COL25A1: variants seen among roughly 807,000 people sequenced by gnomAD.
COL25A1 encodes collagen type XXV alpha 1 chain.
In COL25A1, 103 loss-of-function variants were observed where a neutral mutation model predicts 128.4. The ratio of observed to expected loss-of-function variants is 0.80; its 90% CI spans 0.68 to 0.94. The LOEUF is 0.94. COL25A1 is among the 40% of genes least tolerant of loss of function. The pLI is 0.00. For synonymous variants in COL25A1, 279 were observed against 277.2 expected (o/e 1.01, Z -0.06); for missense variants, 745 against 840.0 (o/e 0.89, Z 1.40).
At chr4:109,058,591 AATT>A (rs1190005207) in intron 3 of COL25A1, among the ~76,000 whole-genome samples, 1 of 152,232 alleles carries the variant, frequency 6.6e-6, no homozygotes, top group East Asian at 1.9e-4. Flanking sequence ...CAATAAATAA[AATT>A]ATGTTAATTC....
chr4:108,856,586 C>CA (rs527454814), intron 24 of COL25A1, among the ~76,000 whole-genome samples: 166 of 152,096 alleles, frequency 1.1e-3, no homozygotes, highest in African/African-American at 3.6e-3. Flanking sequence ...TTAGGGAAAC[C>CA]AATAGTTTTG....
rs147932885 is a variant in COL25A1 at position 109,198,196 on chromosome 4, A to ACAGGC, written c.367+102382_367+102386dup. ...CGTGGACTTGTTAACCCAACACAAG[A>ACAGGC]CAGGCCAGGAGGGCCCTCTTTAGAA... On this transcript the variant is annotated intron_variant, in intron 3 of 37. Transcript: ENST00000399132. Among the ~76,000 whole-genome samples the ACAGGC allele has an allele frequency of 7.7e-3, 1,165 of 152,150 alleles. 58 individuals carry two copies. In the South Asian group the frequency reaches 0.14, roughly 18 times the overall value.
rs571526992 is a variant in COL25A1 at position 108,999,514 on chromosome 4, G to T, written c.438+10844C>A. On this transcript the variant is annotated intron_variant, in intron 6 of 37. Coordinates refer to ENST00000399132, the MANE Select transcript of COL25A1 (RefSeq NM_198721.4). ...GAAATAGGAATGCTTTTACACTGTT[G>T]GTTGGACTGTAAACTAGTTCAACCA... Among the ~76,000 whole-genome samples, 36 of 152,314 alleles carry T rather than the reference G, an allele frequency of 2.4e-4. 1 individual carries two copies. The South Asian group carries it at 7.5e-3, about 32-fold the overall frequency.
At chr4:109,036,258 C>T (rs1759343080) in intron 5 of COL25A1, among the ~76,000 whole-genome samples, 1 of 151,544 alleles carries the variant, frequency 6.6e-6, no homozygotes, top group South Asian at 2.1e-4. Flanking sequence ...ATTTTTTTTT[C>T]CCCTCTAAAC....
intron 5 of COL25A1, among the ~76,000 whole-genome samples, chr4:109,038,373 T>C (rs1759552187): frequency 6.6e-6 from 1 of 152,092 alleles, no homozygotes; most frequent in African/African-American, 2.4e-5. Flanking sequence ...CTTGCCTGAG[T>C]TCCAGCCTTC....
rs540131974 is a variant in COL25A1, at chr4:108,939,424, G to C, written c.672+1115C>G. On this transcript the variant is annotated intron_variant, in intron 10 of 37. Transcript: ENST00000399132. Reference sequence around the variant, plus strand: ...CAAATTCACAGCAGCTTTCAGAAAGGGATATGGGCTTATGAGGCTGTCTCA... The same window carrying C: ...CAAATTCACAGCAGCTTTCAGAAAGCGATATGGGCTTATGAGGCTGTCTCA... Among the ~76,000 whole-genome samples the C allele has an allele frequency of 2.0e-5, 3 of 152,156 alleles. No homozygotes were observed. The East Asian group carries it at 5.8e-4, about 29-fold the overall frequency.
intron 13 of COL25A1, among the ~76,000 whole-genome samples, chr4:108,901,552 A>G (rs1742860069): frequency 6.6e-6 from 1 of 152,152 alleles, no homozygotes; most frequent in Non-Finnish European, 1.5e-5. Context: ...TCAGAAAAAG[A>G]AAGAATAAAT....
chr4:109,182,635 G>A (rs76645503), intron 3 of COL25A1, among the ~76,000 whole-genome samples: 4,487 of 152,156 alleles, frequency 0.029, 99 homozygotes, highest in Non-Finnish European at 0.043. Flanking sequence ...GCCCAGGTAA[G>A]AGCTGAAAAC....
chr4:108,996,686 C>T (rs1754808793), intron 6 of COL25A1, among the ~76,000 whole-genome samples: 1 of 152,164 alleles, frequency 6.6e-6, no homozygotes, highest in African/African-American at 2.4e-5. Flanking sequence ...CTTCTCAGCA[C>T]CACATCGTAC....
chr4:109,016,208 C>T (rs72899015), intron 5 of COL25A1, among the ~76,000 whole-genome samples: 2,151 of 152,338 alleles, frequency 0.014, 57 homozygotes, highest in African/African-American at 0.048. Context: ...AAGTTGTGGC[C>T]GAGCCCAGAC....
chr4:108,892,292 G>A (rs1338021310), intron 16 of COL25A1, among the ~76,000 whole-genome samples: 1 of 152,162 alleles, frequency 6.6e-6, no homozygotes, highest in East Asian at 1.9e-4. Flanking sequence ...GAAGATACTT[G>A]AGATAAATGA....
chr4:109,262,493 G>A (rs768153807), intron 3 of COL25A1, among the ~76,000 whole-genome samples: 11 of 152,018 alleles, frequency 7.2e-5, no homozygotes, highest in East Asian at 1.9e-4. Flanking sequence ...CAGCCTGGGC[G>A]ACAGAGTTAG....
Position 108,886,442 on chromosome 4 carries a change from TTGTGTGTGTGTGTGTGTG to T in COL25A1, c.976-2238_976-2221del, listed in dbSNP as rs375825376. 3.6e-4 allele frequency among the ~76,000 whole-genome samples: 29 copies of T among 81,406 alleles called. 1 individual carries two copies. Among genetic ancestry groups the T allele is most frequent in the African/African-American group, 9.9e-4 (21 of 21,306 alleles). 53.4% of individuals were successfully genotyped at this position (81,406 alleles called of 152,430 possible). ...AACTTTCTTAAAGTGCTATGAGATT[TTGTGTGTGTGTGTGTGTG>T]TGTGTGTGTGTGTGTGTGTGTGTGT... On this transcript the variant is annotated intron_variant, in intron 18 of 37. Transcript: ENST00000399132.
chr4:109,096,717 T>C (rs1486333254), intron 3 of COL25A1, among the ~76,000 whole-genome samples: 2 of 152,212 alleles, frequency 1.3e-5, no homozygotes, highest in Non-Finnish European at 2.9e-5. Flanking sequence ...TTTTCATAAG[T>C]TCAATTTCTA....
intron 11 of COL25A1, among the ~76,000 whole-genome samples, chr4:108,924,345 A>C (rs72668377): frequency 0.11 from 16,926 of 152,282 alleles, 1,096 homozygotes; most frequent in Non-Finnish European, 0.15. Context: ...GAAATTATAT[A>C]GTATACTTGA....
intron 3 of COL25A1, among the ~76,000 whole-genome samples, chr4:109,126,403 C>A (rs1437439482): frequency 1.3e-5 from 2 of 152,060 alleles, no homozygotes; most frequent in Non-Finnish European, 2.9e-5. Flanking sequence ...GCTTCCAAAC[C>A]TGGTCTGCTT....
At chr4:108,900,005 G>A (rs998968046) in intron 14 of COL25A1, among the ~76,000 whole-genome samples, 17 of 152,036 alleles carry the variant, frequency 1.1e-4, no homozygotes, top group Non-Finnish European at 2.2e-4. Context: ...GTTGCCATAA[G>A]ATCAGACTGC....
chr4:108,897,080 C>G (rs898251740), intron 15 of COL25A1, among the ~76,000 whole-genome samples: 4 of 152,078 alleles, frequency 2.6e-5, no homozygotes, highest in Admixed American at 1.3e-4. Flanking sequence ...ATTCTGAGGC[C>G]TTCTTCATAT....
At chr4:109,073,024 A>T (rs1456352137) in intron 3 of COL25A1, among the ~76,000 whole-genome samples, 1 of 152,114 alleles carries the variant, frequency 6.6e-6, no homozygotes, top group African/African-American at 2.4e-5. Context: ...CTTTTCTCTG[A>T]GGACAGATTT....
Sources: allele counts gnomAD v4.1 joint callset (sites outside exome capture counted in the v4.1 genomes callset), GRCh38; gene constraint gnomAD v4.1.1; transcripts MANE v1.5; gene names NCBI Gene and HGNC (gene_info 2026-07-23, HGNC 2026-07-21).